The following KLHL1 variants were observed in gnomAD, a reference collection of about 807,000 sequenced individuals.
KLHL1 encodes the protein kelch like family member 1, also known as kelch-like protein 1.
A neutral mutation model predicts 77.7 loss-of-function variants in KLHL1; 47 were observed. The ratio of observed to expected loss-of-function variants is 0.60; its 90% CI spans 0.48 to 0.77. KLHL1 has a LOEUF of 0.77. Ranked by LOEUF, KLHL1 falls within the 30% of genes least tolerant of loss-of-function variation. KLHL1 has a pLI of 0.00. For missense variants in KLHL1, 925 were observed against 910.8 expected (o/e 1.02, Z -0.20); for synonymous variants, 360 against 325.2 (o/e 1.11, Z -1.15).
rs1881035292 is a variant in KLHL1, at chr13:69,882,416, T to C, written c.1094A>G (p.Asp365Gly). 6.2e-7 allele frequency: 1 copy of C among 1,613,866 alleles called. No homozygotes were observed. The highest frequency in any genetic ancestry group is 8.5e-7 in the Non-Finnish European group (1 of 1,179,758). Residue 365 changes from aspartate (D) to glycine (G), a missense_variant, in exon 5 of 11, where the codon GAT becomes GGT. By Grantham distance (94) the Asp-to-Gly change is moderately conservative (BLOSUM62 -1). Transcript: ENST00000377844. Reference protein sequence around the residue: ...AEELHKLLASDDVNVPDEETI... With the variant: ...AEELHKLLASGDVNVPDEETI... ...TTCTTCATCAGGAACATTGACATCA[T>C]CACTGGCCAGTAGTTTATGGAGCTC... is the stretch of plus-strand genomic sequence containing the variant.
chr13:69,918,789 A>C (rs530758298), intron 4 of KLHL1, among the ~76,000 whole-genome samples: 10 of 152,154 alleles, frequency 6.6e-5, no homozygotes, highest in Non-Finnish European at 1.5e-4. Flanking sequence ...ACAATGGCCT[A>C]CAACAATTAT....
At chr13:69,787,157 T>G (rs1469898138) in intron 7 of KLHL1, among the ~76,000 whole-genome samples, 1 of 152,148 alleles carries the variant, frequency 6.6e-6, no homozygotes, top group Non-Finnish European at 1.5e-5. Context: ...TGGAAAAAAC[T>G]ACTTTAAAGT....
chr13:70,034,066 A>G (rs1886182889), intron 1 of KLHL1, among the ~76,000 whole-genome samples: 1 of 152,194 alleles, frequency 6.6e-6, no homozygotes, highest in Non-Finnish European at 1.5e-5. Flanking sequence ...ACACTGCTTT[A>G]GTTGTTTAAG....
chr13:69,747,666 C>A (rs1356595477), intron 7 of KLHL1, among the ~76,000 whole-genome samples: 4 of 151,748 alleles, frequency 2.6e-5, no homozygotes. Flanking sequence ...GTAAGTAGAA[C>A]AACCAGGATA....
At chr13:69,756,929 T>C (rs944349736) in intron 7 of KLHL1, among the ~76,000 whole-genome samples, 47 of 152,140 alleles carry the variant, frequency 3.1e-4, no homozygotes, top group African/African-American at 1.1e-3. Context: ...GCAAATATCA[T>C]CAACTTTTTT....
chr13:69,736,545 T>C (rs1873769444), intron 8 of KLHL1, among the ~76,000 whole-genome samples: 1 of 152,154 alleles, frequency 6.6e-6, no homozygotes, highest in African/African-American at 2.4e-5. Flanking sequence ...GCTGGGCCTC[T>C]ACCCAGAGGA....
chr13:70,068,202 G>A (rs1306259424), intron 1 of KLHL1, among the ~76,000 whole-genome samples: 1 of 151,948 alleles, frequency 6.6e-6, no homozygotes, highest in Non-Finnish European at 1.5e-5. Flanking sequence ...TTGGCCGGGC[G>A]TGGTGGCGGG....
chr13:69,837,975 T>C (rs760488600), intron 6 of KLHL1, among the ~76,000 whole-genome samples: 6 of 151,630 alleles, frequency 4.0e-5, no homozygotes, highest in Non-Finnish European at 5.9e-5. Context: ...CTTATTTCTT[T>C]AGGCTTCTGC....
chr13:69,903,630 CTTTTT>C (rs35761520), intron 4 of KLHL1, among the ~76,000 whole-genome samples: 5 of 50,176 alleles, frequency 1.0e-4, no homozygotes, highest in African/African-American at 1.9e-4. Flanking sequence ...TGTTCACATT[CTTTTT>C]TTTTTTTTTT....
At chr13:69,971,771 T>G (rs564354167) in intron 2 of KLHL1, among the ~76,000 whole-genome samples, 6 of 152,180 alleles carry the variant, frequency 3.9e-5, no homozygotes, top group Admixed American at 1.3e-4. Context: ...CTTTAATTCC[T>G]CAAGTATATT....
rs527713544 is a variant in KLHL1 at position 69,876,608 on chromosome 13, T to A, written c.1227+5675A>T. Among the ~76,000 whole-genome samples the A allele has an allele frequency of 5.3e-5, 8 of 152,284 alleles. No homozygotes were observed. The South Asian group carries it at 1.7e-3, about 32-fold the overall frequency. ...TCATTGCAAGCTTTTTTCTTCTACC[T>A]TTTGCTACAGAAAATAAATGTACAT... On this transcript the variant is annotated intron_variant, in intron 5 of 10. Transcript: ENST00000377844.
At chr13:70,060,353 T>C (rs9564642) in intron 1 of KLHL1, among the ~76,000 whole-genome samples, 2 of 152,086 alleles carry the variant, frequency 1.3e-5, no homozygotes, top group Middle Eastern at 3.4e-3. Context: ...GAGAACAGTA[T>C]GCAGGTTCTG....
At chr13:70,001,585 A>G (rs752789604) in intron 1 of KLHL1, among the ~76,000 whole-genome samples, 3 of 108,526 alleles carry the variant, frequency 2.8e-5, no homozygotes, top group Non-Finnish European at 5.8e-5. Context: ...CTATGTGTCT[A>G]TCTATCTATC....
chr13:69,833,637 T>C (rs1878855552), intron 6 of KLHL1, among the ~76,000 whole-genome samples: 1 of 151,748 alleles, frequency 6.6e-6, no homozygotes, highest in African/African-American at 2.4e-5. Context: ...AGTCATTATA[T>C]GAAAAAGACA....
intron 1 of KLHL1, among the ~76,000 whole-genome samples, chr13:69,984,768 C>T (rs1398495379): frequency 6.6e-6 from 1 of 152,028 alleles, no homozygotes; most frequent in Non-Finnish European, 1.5e-5. Flanking sequence ...CAAGGGACCT[C>T]GAGTATTACC....
At chr13:69,729,535 G>T (rs1873448603) in intron 8 of KLHL1, among the ~76,000 whole-genome samples, 1 of 152,048 alleles carries the variant, frequency 6.6e-6, no homozygotes, top group Non-Finnish European at 1.5e-5. Flanking sequence ...CACGTCAGCA[G>T]AGGTGAGGAA....
chr13:69,851,438 G>A (rs1879685193), intron 5 of KLHL1, among the ~76,000 whole-genome samples: 1 of 151,618 alleles, frequency 6.6e-6, no homozygotes, highest in African/African-American at 2.4e-5. Flanking sequence ...TGCTTTTTGA[G>A]GACAGTATGA....
chr13:70,027,034 T>A (rs534541841), intron 1 of KLHL1, among the ~76,000 whole-genome samples: 1 of 152,018 alleles, frequency 6.6e-6, no homozygotes, highest in Admixed American at 6.6e-5. Flanking sequence ...TGCATCACAA[T>A]GGGAAACAAC....
At chr13:69,887,748 T>C (rs1881271916) in intron 4 of KLHL1, among the ~76,000 whole-genome samples, 1 of 152,166 alleles carries the variant, frequency 6.6e-6, no homozygotes, top group African/African-American at 2.4e-5. Flanking sequence ...CTAGCAACAT[T>C]CTGATCACAA....
Sources: gnomAD v4.1 joint callset for allele counts (sites outside exome capture counted in the v4.1 genomes callset) on GRCh38, gnomAD v4.1.1 for gene constraint, MANE v1.5 for transcripts, NCBI Gene and HGNC (gene_info 2026-07-23, HGNC 2026-07-21) for gene names.